The following XPO6 variants were observed in gnomAD, a reference collection of about 807,000 sequenced individuals.
XPO6 encodes exportin-6.
Under a neutral mutation model 130.0 loss-of-function variants are expected in XPO6, and 3 were observed. The observed-to-expected ratio is 0.02, with a 90% CI of 0.01 to 0.06. XPO6 has a LOEUF of 0.06. Among genes scored for constraint, XPO6 ranks in the 10% least tolerant of loss-of-function variants. XPO6 has a pLI of 1.00. For missense variants in XPO6, 970 were observed against 1,393.0 expected (o/e 0.70, Z 4.83); for synonymous variants, 524 against 548.9 (o/e 0.95, Z 0.63).
chr16:28,181,065 T>C, intron 1 of XPO6, 34 bp from the exon 2 acceptor site: 1 of 1,526,306 alleles, frequency 6.6e-7, no homozygotes, highest in Non-Finnish European at 9.0e-7. Context: ...ATCAATAAGC[T>C]GCATCTTCAG....
Position 28,186,374 on chromosome 16 carries a change from CTTTTTT to C in XPO6, c.4-5349_4-5344del, listed in dbSNP as rs60754642. ...TATAGATTTTTCTGCCCCAGTTATT[CTTTTTT>C]TTTTTTTTTTTGCTAAAGACATGGT... On this transcript the variant is annotated intron_variant, in intron 1 of 23. Transcript: ENST00000304658. Among the ~76,000 whole-genome samples, 4 of 81,442 alleles carry C rather than the reference CTTTTTT, an allele frequency of 4.9e-5. 1 individual carries two copies. The highest frequency in any genetic ancestry group is 8.2e-5 in the Non-Finnish European group (4 of 48,692). 53.4% of individuals were successfully genotyped at this position (81,442 alleles called of 152,430 possible).
chr16:28,196,938 T>C (rs972768476), intron 1 of XPO6, among the ~76,000 whole-genome samples: 1 of 152,102 alleles, frequency 6.6e-6, no homozygotes, highest in Non-Finnish European at 1.5e-5. Flanking sequence ...CAAATACACC[T>C]TTTCCCTTTA....
At chr16:28,130,041 C>T (rs959752652) in intron 12 of XPO6, among the ~76,000 whole-genome samples, 6 of 152,210 alleles carry the variant, frequency 3.9e-5, no homozygotes, top group Non-Finnish European at 8.8e-5. Flanking sequence ...CACAGAGCAA[C>T]CAACGTGGCC....
chr16:28,105,988 C>T lies in XPO6; in HGVS notation c.2784+55G>A, dbSNP rs2086768499. On this transcript the variant is annotated intron_variant, in intron 20 of 23. Transcript: ENST00000304658. ...AATACATTTTCTGTGAAATCTCATT[C>T]CCTTCCCAATCTGGAGATGGGGGGT... 6 of 1,577,998 alleles carry T rather than the reference C, an allele frequency of 3.8e-6. No individual in the cohort carries two copies. The East Asian group carries it at 1.1e-4, about 30-fold the overall frequency.
chr16:28,133,230 G>A lies in XPO6; in HGVS notation c.1536+611C>T, dbSNP rs777884528. 5.9e-5 allele frequency among the ~76,000 whole-genome samples: 9 copies of A among 152,194 alleles called. No homozygotes were observed. In the East Asian group the frequency reaches 1.4e-3, roughly 23 times the overall value. On this transcript the variant is annotated intron_variant, in intron 11 of 23. Coordinates refer to ENST00000304658, the MANE Select transcript of XPO6 (RefSeq NM_015171.4). ...TGAGCTCCTGTAGTCCCACTTACTC[G>A]GGAGGCTGAGGCAGGAGAATTGCTT...
At chr16:28,115,277 T>C (rs1031604424) in intron 15 of XPO6, among the ~76,000 whole-genome samples, 7 of 152,250 alleles carry the variant, frequency 4.6e-5, no homozygotes, top group Admixed American at 1.3e-4. Context: ...TATAGTCTTA[T>C]GAAACGTATT....
At position 28,106,286 on chromosome 16, in the gene XPO6, G is replaced by A; in HGVS notation, c.2613-72C>T. 4 of 1,607,028 alleles carry A rather than the reference G, an allele frequency of 2.5e-6. No individual in the cohort carries two copies. Among genetic ancestry groups the A allele is most frequent in the Non-Finnish European group, 3.4e-6 (4 of 1,174,878 alleles). On this transcript the variant is annotated intron_variant, in intron 19 of 23. Coordinates refer to ENST00000304658, the MANE Select transcript of XPO6 (RefSeq NM_015171.4). The surrounding 1 kb of genome is among the most constrained non-coding windows in gnomAD (Gnocchi z 4.2). ...GGGCCAGCATGAAAACCCATGCTGT[G>A]GCAAGTGCAGAACAGGAGCAAAAAG...
chr16:28,113,082 A>G, intron 15 of XPO6, 32 bp from the exon 16 acceptor site: 1 of 1,604,306 alleles, frequency 6.2e-7, no homozygotes. Context: ...TCAGCTCACC[A>G]CATCCCTGTA....
chr16:28,135,437 A>G, intron 9 of XPO6, 113 bp from the exon 10 acceptor site: 1 of 820,634 alleles, frequency 1.2e-6, no homozygotes, highest in East Asian at 2.6e-5. Context: ...ATGGAAAAAG[A>G]GCATCGAAAT....
rs146084400 is a variant in XPO6, at chr16:28,107,888, A to C, written c.2342-211T>G. Among the ~76,000 whole-genome samples, 8 of 152,258 alleles carry C rather than the reference A, an allele frequency of 5.3e-5. No individual in the cohort carries two copies. The East Asian group carries it at 1.5e-3, about 29-fold the overall frequency. Reference sequence around the variant, plus strand: ...ACTATTATTACTGCCAGGACTCCAGAAGCCTGGAATGTGTGTTGGGGAGAA... The same window carrying C: ...ACTATTATTACTGCCAGGACTCCAGCAGCCTGGAATGTGTGTTGGGGAGAA... On this transcript the variant is annotated intron_variant, in intron 17 of 23. Transcript: ENST00000304658.
At chr16:28,179,158 A>T (rs1413687344) in intron 2 of XPO6, 2 of 152,468 alleles carry the variant, frequency 1.3e-5, no homozygotes. Context: ...GCTATGACCA[A>T]AGACTGAAGT....
intron 17 of XPO6, among the ~76,000 whole-genome samples, chr16:28,108,015 G>T (rs1278005897): frequency 6.6e-6 from 1 of 152,124 alleles, no homozygotes; most frequent in Non-Finnish European, 1.5e-5. Context: ...GTACCCCCAG[G>T]TTGGGTGCCT....
intron 1 of XPO6, 146 bp downstream of exon 1, chr16:28,211,220 A>C: frequency 2.5e-6 from 2 of 795,266 alleles, no homozygotes; most frequent in Non-Finnish European, 3.5e-6. Context: ...GGGGCTGCAC[A>C]CTCTGCACGC....
chr16:28,133,301 C>T (rs906185192), intron 11 of XPO6, among the ~76,000 whole-genome samples: 1 of 151,894 alleles, frequency 6.6e-6, no homozygotes, highest in Non-Finnish European at 1.5e-5. Flanking sequence ...CACGCCACTG[C>T]ACACTCCGGC....
intron 1 of XPO6, among the ~76,000 whole-genome samples, chr16:28,191,255 C>T (rs1176585608): frequency 1.3e-5 from 2 of 152,134 alleles, no homozygotes; most frequent in Non-Finnish European, 2.9e-5. Flanking sequence ...ATTTTATATA[C>T]TTATTTATAT....
rs1256920458 is a variant in XPO6 at position 28,152,715 on chromosome 16, A to G, written c.1168T>C (p.Ser390Pro). The G allele has an allele frequency of 1.2e-6, 2 of 1,613,440 alleles. No homozygotes were observed. Among genetic ancestry groups the G allele is most frequent in the East Asian group, 2.2e-5 (1 of 44,858 alleles). ...AAAAACTCCACCACAGGGAACTGGG[A>G]GTAAGACTCGATTCTTCTTAGGTGA... ...SVHLRRIESYSQFPVVEFLTL... is the reference protein window; with the variant it reads ...SVHLRRIESYPQFPVVEFLTL... The change falls in exon 8 of 24, where the codon TCC (serine) becomes CCC (proline). Residue 390 changes from serine (S) to proline (P), a missense_variant. Transcript: ENST00000304658.
rs2141248402 is a variant in XPO6 at position 28,111,974 on chromosome 16, G to A, written c.2184C>T (p.Asn728=). Residue 728 remains asparagine (N), a synonymous_variant, in exon 17 of 24, where the codon AAC becomes AAT. Coordinates refer to ENST00000304658, the MANE Select transcript of XPO6 (RefSeq NM_015171.4). ...AQVLVCRALS[N]ILLLPWPNLP... ...GGTTTGGCCACGGAAGCAGCAAGAT[G>A]TTAGAGAGGGCTCGGCACACCAACA... The A allele has an allele frequency of 6.2e-7, 1 of 1,613,698 alleles. No individual in the cohort carries two copies. The highest frequency in any genetic ancestry group is 8.5e-7 in the Non-Finnish European group (1 of 1,179,784).
chr16:28,205,973 G>T (rs1027797973), intron 1 of XPO6, among the ~76,000 whole-genome samples: 46 of 146,724 alleles, frequency 3.1e-4, no homozygotes, highest in African/African-American at 1.1e-3. Context: ...AGGAGGTAGA[G>T]ACTGCAGTGA....
intron 1 of XPO6, among the ~76,000 whole-genome samples, chr16:28,201,497 G>C (rs989418230): frequency 3.5e-4 from 53 of 152,118 alleles, no homozygotes; most frequent in African/African-American, 1.2e-3. Context: ...GAGGAGGAGT[G>C]GGGAAGGAGG....
Sources: allele counts gnomAD v4.1 joint callset (sites outside exome capture counted in the v4.1 genomes callset), GRCh38; gene constraint gnomAD v4.1.1; non-coding constraint Gnocchi (gnomAD v3.1); transcripts MANE v1.5; gene names NCBI Gene and HGNC (gene_info 2026-07-23, HGNC 2026-07-21).